ASTN2: variants seen among roughly 807,000 people sequenced by gnomAD.
ASTN2 encodes the protein astrotactin 2, also known as astrotactin-2.
A neutral mutation model predicts 139.8 loss-of-function variants in ASTN2; 54 were observed. The observed-to-expected ratio is 0.39, with a 90% CI of 0.31 to 0.48. The LOEUF (loss-of-function observed/expected upper bound fraction) is 0.48, where lower values mean the gene tolerates loss of function less well. Ranked by LOEUF, ASTN2 falls within the 20% of genes least tolerant of loss-of-function variation. ASTN2 has a pLI of 0.95. For missense variants in ASTN2, 1,565 were observed against 1,725.1 expected, an observed-to-expected ratio of 0.91 and a Z score of 1.64; for synonymous variants, 756 against 719.5, an observed-to-expected ratio of 1.05 and a Z score of -0.81.
intron 1 of ASTN2, among the ~76,000 whole-genome samples, chr9:117,298,254 C>A (rs1301534518): frequency 6.6e-6 from 1 of 152,196 alleles, no homozygotes; most frequent in Non-Finnish European, 1.5e-5. Flanking sequence ...AATATTAATT[C>A]TCACCAGATA....
At chr9:117,041,067 G>A (rs1304182167) in intron 5 of ASTN2, among the ~76,000 whole-genome samples, 2 of 152,090 alleles carry the variant, frequency 1.3e-5, no homozygotes, top group African/African-American at 4.8e-5. Context: ...GGGTGGTTTT[G>A]CCTCTGAAAA....
At chr9:117,232,575 C>A (rs1178722094) in intron 2 of ASTN2, among the ~76,000 whole-genome samples, 1 of 152,186 alleles carries the variant, frequency 6.6e-6, no homozygotes, top group African/African-American at 2.4e-5. Flanking sequence ...TCCAAACTAA[C>A]CTTTTGCAGT....
At chr9:116,944,830 A>G (rs1835342997) in intron 10 of ASTN2, among the ~76,000 whole-genome samples, 12 of 152,110 alleles carry the variant, frequency 7.9e-5, no homozygotes, top group Admixed American at 7.9e-4. Flanking sequence ...TGTTATGAGG[A>G]ACTGGATTAC....
chr9:117,118,180 A>C (rs1015390189), intron 4 of ASTN2, among the ~76,000 whole-genome samples: 11 of 152,154 alleles, frequency 7.2e-5, no homozygotes, highest in African/African-American at 2.7e-4. Context: ...ATAAAACAAA[A>C]GTAATTCTAT....
intron 10 of ASTN2, among the ~76,000 whole-genome samples, chr9:116,921,796 G>T (rs1480436782): frequency 4.6e-5 from 7 of 152,084 alleles, no homozygotes; most frequent in African/African-American, 1.7e-4. Flanking sequence ...CTGATCTTGT[G>T]AGAACTCACT....
At chr9:116,892,941 G>C (rs1306241072) in intron 10 of ASTN2, among the ~76,000 whole-genome samples, 4 of 152,058 alleles carry the variant, frequency 2.6e-5, no homozygotes, top group Admixed American at 2.6e-4. Context: ...AAATTCAACT[G>C]GGTACTCAAT....
intron 13 of ASTN2, among the ~76,000 whole-genome samples, chr9:116,750,227 T>G (rs907903769): frequency 5.3e-5 from 8 of 152,246 alleles, no homozygotes; most frequent in African/African-American, 1.9e-4. Flanking sequence ...ACATTTTAAC[T>G]GACGACACAG....
At chr9:116,948,941 G>A (rs10983431) in intron 10 of ASTN2, among the ~76,000 whole-genome samples, 20 of 151,146 alleles carry the variant, frequency 1.3e-4, no homozygotes, top group African/African-American at 4.4e-4. Flanking sequence ...ACATGCACAC[G>A]CCACCACCAT....
intron 19 of ASTN2, among the ~76,000 whole-genome samples, chr9:116,577,869 A>G (rs1305988931): frequency 6.6e-6 from 1 of 152,142 alleles, no homozygotes; most frequent in East Asian, 1.9e-4. Context: ...AGGTTGAGGT[A>G]GAAGGGCATT....
chr9:116,942,840 C>G (rs1488244050), intron 10 of ASTN2, among the ~76,000 whole-genome samples: 1 of 152,206 alleles, frequency 6.6e-6, no homozygotes, highest in Non-Finnish European at 1.5e-5. Context: ...AGCCCAGAGG[C>G]AGCAATGGCA....
At chr9:117,217,216 T>C (rs1302466535) in intron 2 of ASTN2, among the ~76,000 whole-genome samples, 3 of 152,190 alleles carry the variant, frequency 2.0e-5, no homozygotes, top group Admixed American at 2.0e-4. Flanking sequence ...GGGTGCATCT[T>C]CTCTTCAGAG....
At chr9:116,670,674 G>T (rs945433037) in intron 16 of ASTN2, among the ~76,000 whole-genome samples, 1 of 152,166 alleles carries the variant, frequency 6.6e-6, no homozygotes, top group African/African-American at 2.4e-5. Context: ...CTGAAATACT[G>T]GAGCAAAGAG....
intron 19 of ASTN2, among the ~76,000 whole-genome samples, chr9:116,508,751 G>C (rs1296414111): frequency 6.6e-6 from 1 of 152,166 alleles, no homozygotes; most frequent in Non-Finnish European, 1.5e-5. Flanking sequence ...TCTGGAACCA[G>C]CTCCACTGAC....
chr9:117,178,593 C>T (rs753695332), intron 3 of ASTN2, among the ~76,000 whole-genome samples: 9 of 152,148 alleles, frequency 5.9e-5, no homozygotes, highest in Non-Finnish European at 1.2e-4. Context: ...AATGGATAAG[C>T]GCTCAGAGGG....
At chr9:117,015,679 C>T (rs536408968) in intron 6 of ASTN2, among the ~76,000 whole-genome samples, 4 of 152,070 alleles carry the variant, frequency 2.6e-5, no homozygotes, top group South Asian at 4.1e-4. Flanking sequence ...AATGACAAAG[C>T]GAAGAAAGAA....
chr9:116,622,614 T>C (rs1186010525), intron 17 of ASTN2, among the ~76,000 whole-genome samples: 1 of 152,196 alleles, frequency 6.6e-6, no homozygotes, highest in Non-Finnish European at 1.5e-5. Flanking sequence ...CAACCCAGAT[T>C]TCTGTGACTC....
chr9:116,620,835 C>T (rs1012449119), intron 17 of ASTN2, among the ~76,000 whole-genome samples: 6 of 152,126 alleles, frequency 3.9e-5, no homozygotes, highest in Non-Finnish European at 1.5e-5. Context: ...TTTACGATAG[C>T]GATAGAGCTA....
intron 5 of ASTN2, among the ~76,000 whole-genome samples, chr9:117,062,834 CA>C (rs1310723007): frequency 6.6e-6 from 1 of 152,188 alleles, no homozygotes; most frequent in Non-Finnish European, 1.5e-5. Flanking sequence ...TTATATATAG[CA>C]GGTTAATTAG....
chr9:116,564,387 A>G (rs1853078251), intron 19 of ASTN2, among the ~76,000 whole-genome samples: 1 of 152,200 alleles, frequency 6.6e-6, no homozygotes, highest in African/African-American at 2.4e-5. Context: ...AGAGCTGGAA[A>G]AAGAGCCCAC....
Sources: gnomAD v4.1 joint callset for allele counts (sites outside exome capture counted in the v4.1 genomes callset) on GRCh38, gnomAD v4.1.1 for gene constraint, MANE v1.5 for transcripts, NCBI Gene and HGNC (gene_info 2026-07-23, HGNC 2026-07-21) for gene names.